Variants in PRXL2B observed in about 807,000 individuals in gnomAD.
PRXL2B encodes prostamide/prostaglandin F synthase.
A neutral mutation model predicts 24.4 loss-of-function variants in PRXL2B; 26 were observed. That is an observed-to-expected ratio of 1.07 (90% CI 0.78 to 1.48). The LOEUF (loss-of-function observed/expected upper bound fraction) is 1.48, where lower values mean the gene tolerates loss of function less well. PRXL2B is among the 40% of genes most tolerant of loss of function. The pLI is 0.00. For missense variants in PRXL2B, 269 were observed against 264.8 expected, an observed-to-expected ratio of 1.02 and a Z score of -0.11; for synonymous variants, 115 against 118.9, an observed-to-expected ratio of 0.97 and a Z score of 0.21.
upstream of PRXL2B, chr1:2,586,595 G>A (rs1644520165): frequency 1.8e-6 from 1 of 561,588 alleles, no homozygotes; most frequent in Admixed American, 4.5e-5. Context: ...GCCTGGAGTA[G>A]GAGGGGAAAC....
intron 6 of PRXL2B, 132 bp downstream of exon 6, chr1:2,589,172 G>A (rs915268615): frequency 2.3e-5 from 24 of 1,021,586 alleles, no homozygotes; most frequent in Non-Finnish European, 3.3e-5. Flanking sequence ...CCTGGGATAT[G>A]GATGCCACTG....
chr1:2,589,073 C>T (rs1405719260), intron 6 of PRXL2B, 33 bp downstream of exon 6: 3 of 1,593,916 alleles, frequency 1.9e-6, no homozygotes, highest in South Asian at 1.1e-5. Flanking sequence ...TGCCTGCCAG[C>T]CCACGCCCTG....
chr1:2,590,374 G>C lies in PRXL2B; in HGVS notation c.*947G>C, dbSNP rs924593482. ...TCAGTTACACCAAGCTAAAATTTCA[G>C]GTTCCCAGCTGCAGCTCTCTGGGTC... On this transcript the variant is annotated 3_prime_UTR_variant, in exon 7 of 7. Coordinates refer to ENST00000419916, the MANE Select transcript of PRXL2B (RefSeq NM_152371.5). The C allele has an allele frequency of 6.6e-6, 1 of 152,480 alleles. No individual in the cohort carries two copies. Among genetic ancestry groups the C allele is most frequent in the African/African-American group, 2.4e-5 (1 of 41,446 alleles). The allele number at this position is 152,480 out of a possible 1,614,324, so 9.4% of individuals were successfully genotyped here.
chr1:2,587,642 G>A lies in PRXL2B; in HGVS notation c.269-99G>A. ...GGGCTGAGCACGGAGGGTGGGCAGA[G>A]GAACAGAGGGTCGGAAGGAGGAGGG... On this transcript the variant is annotated intron_variant, in intron 2 of 6. Coordinates refer to ENST00000419916, the MANE Select transcript of PRXL2B (RefSeq NM_152371.5). The surrounding 1 kb of genome is among the most constrained non-coding windows in gnomAD (Gnocchi z 6.1). 10 of 1,401,066 alleles carry A rather than the reference G, an allele frequency of 7.1e-6. No individual in the cohort carries two copies. Among genetic ancestry groups the A allele is most frequent in the East Asian group, 2.5e-5 (1 of 40,354 alleles). The allele number at this position is 1,401,066 out of a possible 1,614,324, so 86.8% of individuals were successfully genotyped here. A position where few individuals can be genotyped will look rare whatever the true frequency, so the allele number is the denominator to read the frequency against.
chr1:2,589,357 C>A, intron 6 of PRXL2B, 53 bp from the exon 7 acceptor site: 1 of 1,603,092 alleles, frequency 6.2e-7, no homozygotes, highest in Non-Finnish European at 8.5e-7. Context: ...GCCCTCCAGG[C>A]ATTTGTCTGA....
chr1:2,588,517 A>G lies in PRXL2B; in HGVS notation c.385-33A>G, dbSNP rs747719378. ...GGGAGCTCCCAGGAGCCTTTCTTCT[A>G]GGATTGACTCAGGCTGTACCCACTC... is the stretch of plus-strand genomic sequence containing the variant. On this transcript the variant is annotated intron_variant, in intron 4 of 6. Transcript: ENST00000419916. 3.1e-6 allele frequency: 5 copies of G among 1,613,818 alleles called. No individual in the cohort carries two copies. In the South Asian group the frequency reaches 3.3e-5, roughly 11 times the overall value.
chr1:2,587,400 C>T lies in PRXL2B; in HGVS notation c.268+105C>T. 2 of 1,278,166 alleles carry T rather than the reference C, an allele frequency of 1.6e-6. No homozygotes were observed. The highest frequency in any genetic ancestry group is 2.3e-5 in the Admixed American group (1 of 43,076). 79.2% of individuals were successfully genotyped at this position (1,278,166 alleles called of 1,614,324 possible). ...CCGGCCCTTCTGTCTGCTGGAGCGG[C>T]CTTGATATGCCCACGGGTCAGCGTC... On this transcript the variant is annotated intron_variant, in intron 2 of 6. Coordinates refer to ENST00000419916, the MANE Select transcript of PRXL2B (RefSeq NM_152371.5). The surrounding 1 kb of genome is among the most constrained non-coding windows in gnomAD (Gnocchi z 6.1).
Position 2,588,569 on chromosome 1 carries a change from AGGGGAACTTGTCT to A in PRXL2B, c.410_422del (p.Asn137ThrfsTer76), listed in dbSNP as rs759242342. 3 of 1,614,022 alleles carry A rather than the reference AGGGGAACTTGTCT, an allele frequency of 1.9e-6. No homozygotes were observed. The highest frequency in any genetic ancestry group is 2.5e-6 in the Non-Finnish European group (3 of 1,180,012). Reference sequence around the variant, plus strand: ...TGACAGGCCAAGGCTGTTGGCATCCAGGGGAACTTGTCTGGGGACCTGCTGCAGAGCGGAGGGC... The same window carrying A: ...TGACAGGCCAAGGCTGTTGGCATCCAGGGGACCTGCTGCAGAGCGGAGGGC... On this transcript the variant is annotated frameshift_variant, in exon 5 of 7. Coordinates refer to ENST00000419916, the MANE Select transcript of PRXL2B (RefSeq NM_152371.5). LOFTEE classifies it high-confidence loss of function.
At chr1:2,589,182 G>A (rs980914726) in intron 6 of PRXL2B, 142 bp downstream of exon 6, 71 of 1,004,314 alleles carry the variant, frequency 7.1e-5, no homozygotes, top group Admixed American at 9.4e-5. Context: ...GGATGCCACT[G>A]TGACCCCACT....
rs373771434 is a variant in PRXL2B at position 2,589,393 on chromosome 1, C to T, written c.580-17C>T. 4.0e-5 allele frequency: 65 copies of T among 1,612,770 alleles called. No homozygotes were observed. The highest frequency in any genetic ancestry group is 5.2e-5 in the Non-Finnish European group (61 of 1,179,486). ...TCCAGTGTCCAGCGGCCCCATGGGA[C>T]CCTGCTGTCCCCACAGTGTGACAGA... On this transcript the variant is annotated splice_polypyrimidine_tract_variant and intron_variant, in intron 6 of 6. Transcript: ENST00000419916.
In PRXL2B at chr1:2,591,293, A is replaced by G; in HGVS notation, c.*1866A>G. 1 of 595,056 alleles carries G rather than the reference A, an allele frequency of 1.7e-6. No individual in the cohort carries two copies. Among genetic ancestry groups the G allele is most frequent in the Non-Finnish European group, 3.0e-6 (1 of 336,280 alleles). The allele number at this position is 595,056 out of a possible 1,614,324, so 36.9% of individuals were successfully genotyped here. ...AGAATAACCTCCCCTCCAGCCAGAG[A>G]TATTCCAACTCTGCAATAAAACTCT... On this transcript the variant is annotated 3_prime_UTR_variant, in exon 7 of 7. Transcript: ENST00000419916.
At chr1:2,588,143 A>G (rs902039830) in intron 3 of PRXL2B, among the ~76,000 whole-genome samples, 6 of 152,076 alleles carry the variant, frequency 3.9e-5, no homozygotes, top group African/African-American at 1.4e-4. Context: ...GGGCACACCC[A>G]GCCTGGGGCC....
In PRXL2B at chr1:2,590,787, G is replaced by C; in HGVS notation, c.*1360G>C. The C allele has an allele frequency of 2.4e-6, 1 of 411,304 alleles. No individual in the cohort carries two copies. The highest frequency in any genetic ancestry group is 4.3e-6 in the Non-Finnish European group (1 of 233,808). 25.5% of individuals were successfully genotyped at this position (411,304 alleles called of 1,614,324 possible). On this transcript the variant is annotated 3_prime_UTR_variant, in exon 7 of 7. Transcript: ENST00000419916. Reference sequence around the variant, plus strand: ...CGCGGGTGTCTGTGGAGGGGGCTCCGGTCCAGGTACTGCACTGGACACTGC... The same window carrying C: ...CGCGGGTGTCTGTGGAGGGGGCTCCCGTCCAGGTACTGCACTGGACACTGC...
Position 2,587,681 on chromosome 1 carries a change from T to G in PRXL2B, c.269-60T>G. 1 of 1,545,642 alleles carries G rather than the reference T, an allele frequency of 6.5e-7. No homozygotes were observed. The highest frequency in any genetic ancestry group is 8.8e-7 in the Non-Finnish European group (1 of 1,137,188). ...GAAGGAGGAGGGCGATTCTTTGTGG[T>G]GAGTGGGTTGGGGGCTGGTTCTGCG... is the stretch of plus-strand genomic sequence containing the variant. On this transcript the variant is annotated intron_variant, in intron 2 of 6. Coordinates refer to ENST00000419916, the MANE Select transcript of PRXL2B (RefSeq NM_152371.5). This position sits in a 1 kb window ranked among gnomAD's most constrained non-coding sequence, Gnocchi z 6.1.
chr1:2,591,358 C>G lies in PRXL2B; in HGVS notation c.*1931C>G. 1 of 603,980 alleles carries G rather than the reference C, an allele frequency of 1.7e-6. No individual in the cohort carries two copies. Among genetic ancestry groups the G allele is most frequent in the Non-Finnish European group, 2.9e-6 (1 of 340,534 alleles). 37.4% of individuals were successfully genotyped at this position (603,980 alleles called of 1,614,324 possible). A position where few individuals can be genotyped will look rare whatever the true frequency, so the allele number is the denominator to read the frequency against. ...CATTCGCAGCCTGCGGTAGGCTCCCCCTTCCTAAACCCTTAAATGCCCTTA... is the reference window on the plus strand; with the variant it reads ...CATTCGCAGCCTGCGGTAGGCTCCCGCTTCCTAAACCCTTAAATGCCCTTA... On this transcript the variant is annotated 3_prime_UTR_variant, in exon 7 of 7. Coordinates refer to ENST00000419916, the MANE Select transcript of PRXL2B (RefSeq NM_152371.5).
In PRXL2B at chr1:2,588,567, C is replaced by T; in HGVS notation, c.402C>T (p.Ile134=). 6.2e-7 allele frequency: 1 copy of T among 1,614,122 alleles called. No homozygotes were observed. The highest frequency in any genetic ancestry group is 1.1e-5 in the South Asian group (1 of 91,086). ...CCTGACAGGCCAAGGCTGTTGGCAT[C>T]CAGGGGAACTTGTCTGGGGACCTGC... is the stretch of plus-strand genomic sequence containing the variant. ...DVAAKAKAVG[I]QGNLSGDLLQ... is the part of the protein sequence containing the mutation. Residue 134 remains isoleucine, a synonymous_variant, in exon 5 of 7, where the codon ATC becomes ATT. Transcript: ENST00000419916.
At chr1:2,589,282 C>A in intron 6 of PRXL2B, 128 bp from the exon 7 acceptor site, 2 of 1,392,322 alleles carry the variant, frequency 1.4e-6, no homozygotes, top group Non-Finnish European at 2.0e-6. Flanking sequence ...GGGGGCGACA[C>A]ATGGGGTGGC....
rs764503660 is a variant in PRXL2B, at chr1:2,587,044, C to A, written c.64-47C>A. On this transcript the variant is annotated intron_variant, in intron 1 of 6. Coordinates refer to ENST00000419916, the MANE Select transcript of PRXL2B (RefSeq NM_152371.5). This position sits in a 1 kb window ranked among gnomAD's most constrained non-coding sequence, Gnocchi z 6.1. ...GGTGGTGGGGGCCGCGGGGCCTGGGCGGGGCTGGGGGCAACGGGGCGCGCC... is the reference window on the plus strand; with the variant it reads ...GGTGGTGGGGGCCGCGGGGCCTGGGAGGGGCTGGGGGCAACGGGGCGCGCC... The A allele has an allele frequency of 8.2e-6, 2 of 243,708 alleles. No homozygotes were observed. The highest frequency in any genetic ancestry group is 2.2e-4 in the East Asian group (1 of 4,502). The allele number at this position is 243,708 out of a possible 1,614,324, so 15.1% of individuals were successfully genotyped here.
intron 1 of PRXL2B, 23 bp downstream of exon 1, chr1:2,586,971 C>G: frequency 9.2e-7 from 1 of 1,084,812 alleles, no homozygotes; most frequent in Non-Finnish European, 1.1e-6. Context: ...GGACGCAGGG[C>G]GGTGGGCGCG....
Sources: allele counts gnomAD v4.1 joint callset (sites outside exome capture counted in the v4.1 genomes callset), GRCh38; gene constraint gnomAD v4.1.1; non-coding constraint Gnocchi (gnomAD v3.1); transcripts MANE v1.5; gene names NCBI Gene and HGNC (gene_info 2026-07-23, HGNC 2026-07-21).